The following PREX2 variants were observed in gnomAD, a reference collection of about 807,000 sequenced individuals.
PREX2 encodes phosphatidylinositol 3,4,5-trisphosphate-dependent Rac exchanger 2 protein.
In PREX2, 107 loss-of-function variants were observed where a neutral mutation model predicts 203.2. The ratio of observed to expected loss-of-function variants is 0.53; its 90% CI spans 0.45 to 0.62. The LOEUF is 0.62. PREX2 is among the 20% of genes least tolerant of loss of function. The pLI is 0.00. For missense variants in PREX2, 1,777 were observed against 1,955.9 expected, an observed-to-expected ratio of 0.91 and a Z score of 1.72; for synonymous variants, 672 against 663.6, an observed-to-expected ratio of 1.01 and a Z score of -0.19.
chr8:68,066,416 G>A (rs1809017333), intron 11 of PREX2, among the ~76,000 whole-genome samples: 1 of 152,072 alleles, frequency 6.6e-6, no homozygotes, highest in African/African-American at 2.4e-5. Context: ...ATCCTAAGAG[G>A]TGTGAGATTA....
At chr8:68,135,753 T>G (rs1811103246) in intron 32 of PREX2, among the ~76,000 whole-genome samples, 1 of 152,150 alleles carries the variant, frequency 6.6e-6, no homozygotes, top group African/African-American at 2.4e-5. Flanking sequence ...AAAACTTACA[T>G]TCACACAAAA....
intron 1 of PREX2, among the ~76,000 whole-genome samples, chr8:67,988,614 C>G (rs979414011): frequency 6.6e-6 from 1 of 152,232 alleles, no homozygotes; most frequent in South Asian, 2.1e-4. Flanking sequence ...CTTTTCCCAT[C>G]TTCTCTGTTT....
rs527639189 is a variant in PREX2, at chr8:68,222,347, A to T, written c.4708-2212A>T. On this transcript the variant is annotated intron_variant, in intron 38 of 39. Coordinates refer to ENST00000288368, the MANE Select transcript of PREX2 (RefSeq NM_024870.4). ...ATCTTGAGGTGCCAGAAAATAAAGG[A>T]GTACTAAACAATGATGGCAGCATAT... Among the ~76,000 whole-genome samples the T allele has an allele frequency of 3.9e-5, 6 of 152,014 alleles. No homozygotes were observed. The South Asian group carries it at 1.2e-3, about 32-fold the overall frequency.
intron 39 of PREX2, among the ~76,000 whole-genome samples, chr8:68,228,125 A>T (rs1381887073): frequency 6.6e-6 from 1 of 152,222 alleles, no homozygotes; most frequent in Non-Finnish European, 1.5e-5. Flanking sequence ...TCCCAGTTTC[A>T]TACATTGGCT....
chr8:67,952,970 C>G (rs1200592448), intron 1 of PREX2, among the ~76,000 whole-genome samples: 3 of 152,098 alleles, frequency 2.0e-5, no homozygotes, highest in African/African-American at 7.2e-5. Context: ...TCCAGGTACA[C>G]TAAGTTAAAA....
chr8:68,012,167 A>C (rs958275958), intron 1 of PREX2, among the ~76,000 whole-genome samples: 1 of 152,204 alleles, frequency 6.6e-6, no homozygotes, highest in Non-Finnish European at 1.5e-5. Context: ...ATTCCTGAAG[A>C]ACGCAGTTCT....
chr8:68,145,737 C>A (rs7839608), intron 33 of PREX2, among the ~76,000 whole-genome samples: 63,352 of 151,738 alleles, frequency 0.42, 14,555 homozygotes, highest in African/African-American at 0.61. Context: ...TCAACAAAGG[C>A]TAATATATTT....
chr8:68,192,732 A>G (rs1373391031), intron 37 of PREX2: 5 of 419,660 alleles, frequency 1.2e-5, no homozygotes, highest in Non-Finnish European at 2.1e-5. Context: ...TCCCACGTTT[A>G]TATCATTGTG....
chr8:68,178,067 C>G (rs1337051647), intron 35 of PREX2, among the ~76,000 whole-genome samples: 1 of 152,108 alleles, frequency 6.6e-6, no homozygotes, highest in Non-Finnish European at 1.5e-5. Context: ...GATTCCATGT[C>G]TTTGCTATTG....
intron 38 of PREX2, among the ~76,000 whole-genome samples, chr8:68,221,802 C>T (rs1812958930): frequency 6.6e-6 from 1 of 152,106 alleles, no homozygotes; most frequent in Admixed American, 6.5e-5. Context: ...AATGGAATTA[C>T]TTAATGGAAA....
chr8:68,057,118 G>T (rs1489785880), intron 10 of PREX2, among the ~76,000 whole-genome samples: 1 of 152,070 alleles, frequency 6.6e-6, no homozygotes, highest in African/African-American at 2.4e-5. Context: ...CATGGGGGTG[G>T]CTTCCACCTT....
At chr8:68,144,299 A>G (rs930078766) in intron 33 of PREX2, among the ~76,000 whole-genome samples, 1 of 152,170 alleles carries the variant, frequency 6.6e-6, no homozygotes, top group African/African-American at 2.4e-5. Flanking sequence ...CACCTTGACA[A>G]TAGTGAGTCT....
At chr8:68,103,567 C>T in intron 23 of PREX2, 1 of 518,828 alleles carries the variant, frequency 1.9e-6, no homozygotes, top group Non-Finnish European at 3.8e-6. Flanking sequence ...GATCTTTCTC[C>T]TGGAAAAGGC....
At chr8:68,140,316 A>T (rs1037219806) in intron 33 of PREX2, among the ~76,000 whole-genome samples, 3 of 152,250 alleles carry the variant, frequency 2.0e-5, no homozygotes, top group Non-Finnish European at 4.4e-5. Flanking sequence ...TTCTGAAAAT[A>T]GTTCTCTAGT....
chr8:68,147,149 T>G (rs986562247), intron 34 of PREX2, among the ~76,000 whole-genome samples: 2 of 152,204 alleles, frequency 1.3e-5, no homozygotes, highest in African/African-American at 4.8e-5. Context: ...GAATTTTATT[T>G]TTTTCTTCTT....
chr8:68,008,927 G>A (rs9298125), intron 1 of PREX2, among the ~76,000 whole-genome samples: 4,344 of 152,122 alleles, frequency 0.029, 204 homozygotes, highest in African/African-American at 0.097. Flanking sequence ...CCTTTTCTCC[G>A]GTATGTCTTT....
At chr8:68,116,574 C>T (rs1355969066) in intron 26 of PREX2, among the ~76,000 whole-genome samples, 4 of 152,146 alleles carry the variant, frequency 2.6e-5, no homozygotes, top group East Asian at 1.9e-4. Flanking sequence ...AGGAAGGATC[C>T]GTGCCAGGCG....
intron 34 of PREX2, among the ~76,000 whole-genome samples, chr8:68,156,055 T>G (rs559988835): frequency 6.6e-6 from 1 of 151,968 alleles, no homozygotes; most frequent in African/African-American, 2.4e-5. Context: ...TGACATGTTT[T>G]TGTTGTTGTT....
intron 35 of PREX2, among the ~76,000 whole-genome samples, chr8:68,173,701 C>T (rs563354134): frequency 1.3e-5 from 2 of 152,084 alleles, no homozygotes; most frequent in Admixed American, 6.6e-5. Context: ...ATAAGTCCTT[C>T]GTTGTGATAA....
Sources: allele counts gnomAD v4.1 joint callset (sites outside exome capture counted in the v4.1 genomes callset), GRCh38; gene constraint gnomAD v4.1.1; transcripts MANE v1.5; gene names NCBI Gene and HGNC (gene_info 2026-07-23, HGNC 2026-07-21).